The following PIGG variants were observed in gnomAD, a reference collection of about 807,000 sequenced individuals.
PIGG encodes the protein GPI ethanolamine phosphate transferase 2, catalytic subunit.
In PIGG, 70 loss-of-function variants were observed where a neutral mutation model predicts 83.2. The observed-to-expected ratio is 0.84, with a 90% CI of 0.69 to 1.03. The LOEUF is 1.03. PIGG is among the 50% of genes least tolerant of loss of function. The probability of loss-of-function intolerance (pLI) is 0.00; values close to 1 mark genes in which losing one functional copy is unlikely to be tolerated. For missense variants in PIGG, 1,257 were observed against 1,233.6 expected, an observed-to-expected ratio of 1.02 and a Z score of -0.28; for synonymous variants, 532 against 519.5, an observed-to-expected ratio of 1.02 and a Z score of -0.33.
At chr4:525,492 A>G (rs1167891291) in intron 9 of PIGG, 1 of 318,788 alleles carries the variant, frequency 3.1e-6, no homozygotes, top group Non-Finnish European at 4.5e-6. Context: ...CCTAGTAATG[A>G]GGGCACTTCC....
chr4:509,045 AC>A, intron 5 of PIGG, 75 bp downstream of exon 5: 1 of 1,343,566 alleles, frequency 7.4e-7, no homozygotes, highest in Non-Finnish European at 1.0e-6. Flanking sequence ...AATTTTGAAA[AC>A]CTATTTTTTA....
chr4:510,535 T>G (rs1721554585), intron 5 of PIGG, among the ~76,000 whole-genome samples: 1 of 152,210 alleles, frequency 6.6e-6, no homozygotes, highest in East Asian at 1.9e-4. Context: ...GGCCAGATTT[T>G]GGGAGGCTTG....
chr4:524,395 G>A (rs1035929439), intron 9 of PIGG, among the ~76,000 whole-genome samples: 1 of 152,226 alleles, frequency 6.6e-6, no homozygotes, highest in African/African-American at 2.4e-5. Flanking sequence ...TCTGCGGGCT[G>A]CACAGGAGGC....
At chr4:536,662 C>G (rs55983970) in intron 12 of PIGG, 27,306 of 152,302 alleles carry the variant, frequency 0.18, 2,853 homozygotes, top group African/African-American at 0.29. Context: ...CTCACACTGG[C>G]CTTACAGAAA....
rs1235114843 is a variant in PIGG, at chr4:539,475, C to G, written c.*106C>G. On this transcript the variant is annotated 3_prime_UTR_variant, in exon 13 of 13. Coordinates refer to ENST00000453061, the MANE Select transcript of PIGG (RefSeq NM_001127178.3). The stretch of plus-strand genomic sequence containing the variant: ...TGATGGATAACTTTCTTTGACTGCT[C>G]TACCTGAATTTAGACTAAGCAGTAA... The G allele has an allele frequency of 1.6e-5, 11 of 673,768 alleles. No homozygotes were observed. Among genetic ancestry groups the G allele is most frequent in the South Asian group, 9.3e-5 (5 of 53,652 alleles). 41.7% of individuals were successfully genotyped at this position (673,768 alleles called of 1,614,324 possible).
intron 11 of PIGG, 86 bp downstream of exon 11, chr4:530,831 G>T: frequency 2.2e-6 from 2 of 925,180 alleles, no homozygotes; most frequent in Non-Finnish European, 3.3e-6. Context: ...GTTCCCATAA[G>T]TTGGAAAGTG....
chr4:505,702 C>A lies in PIGG; in HGVS notation c.361-16C>A, dbSNP rs782067554. On this transcript the variant is annotated splice_polypyrimidine_tract_variant and intron_variant, in intron 2 of 12. Transcript: ENST00000453061. ...TTTGGATTCAGTGGCCTAATTCTTG[C>A]ATTTTCTGACTGCAGGCATTGATGA... is the stretch of plus-strand genomic sequence containing the variant. The A allele has an allele frequency of 6.2e-7, 1 of 1,602,704 alleles. No individual in the cohort carries two copies. The highest frequency in any genetic ancestry group is 8.5e-7 in the Non-Finnish European group (1 of 1,171,388).
rs181663666 is a variant in PIGG at position 506,818 on chromosome 4, C to T, written c.571-587C>T. On this transcript the variant is annotated intron_variant, in intron 3 of 12. Coordinates refer to ENST00000453061, the MANE Select transcript of PIGG (RefSeq NM_001127178.3). ...TTCAGAACAGCCTTCTTGTAGGACACATGTAGATGCCCTCAGCTTCATCAT... is the reference window on the plus strand; with the variant it reads ...TTCAGAACAGCCTTCTTGTAGGACATATGTAGATGCCCTCAGCTTCATCAT... The T allele has an allele frequency of 2.4e-5, 11 of 456,168 alleles. No individual in the cohort carries two copies. The East Asian group carries it at 7.6e-4, about 32-fold the overall frequency. 28.3% of individuals were successfully genotyped at this position (456,168 alleles called of 1,614,324 possible).
Position 517,525 on chromosome 4 carries a change from T to C in PIGG, c.1114+1340T>C, listed in dbSNP as rs918390795. ...GGGGGTGTTGGTGTCCAGGAAGCCA[T>C]GTAAAGAAGTAATTTCAGGAAGCAT... On this transcript the variant is annotated intron_variant, in intron 6 of 12. Transcript: ENST00000453061. Among the ~76,000 whole-genome samples, 9 of 152,016 alleles carry C rather than the reference T, an allele frequency of 5.9e-5. No individual in the cohort carries two copies. The East Asian group carries it at 7.7e-4, about 13-fold the overall frequency.
In PIGG at chr4:499,494, G is replaced by T; in HGVS notation, c.154+5G>T. 1 of 1,590,286 alleles carries T rather than the reference G, an allele frequency of 6.3e-7. No homozygotes were observed. Among genetic ancestry groups the T allele is most frequent in the South Asian group, 1.1e-5 (1 of 89,868 alleles). ...CAGCGCCCGAACCCTCGGCTGGTAC[G>T]GACCCCTCCCCGGCGTCTCCGCTCC... On this transcript the variant is annotated splice_donor_5th_base_variant and intron_variant, in intron 1 of 12. Transcript: ENST00000453061.
In PIGG at chr4:500,424, A is replaced by G. The variant is rs1441587747; in HGVS notation, c.183A>G (p.Pro61=). The G allele has an allele frequency of 1.2e-6, 2 of 1,613,770 alleles. No homozygotes were observed. The highest frequency in any genetic ancestry group is 1.3e-5 in the African/African-American group (1 of 74,874). ...CCAGTTCTAACTGGACCACGCTGCC[A>G]CCACCTCTCTTCAGTAAAGTTGTTA... ...AGASSNWTTL[P]PPLFSKVVIV... The change falls in exon 2 of 13, where the codon CCA becomes CCG. Residue 61 remains proline, a synonymous_variant. Coordinates refer to ENST00000453061, the MANE Select transcript of PIGG (RefSeq NM_001127178.3).
chr4:513,868 T>C (rs1723016307), intron 5 of PIGG, among the ~76,000 whole-genome samples: 1 of 152,062 alleles, frequency 6.6e-6, no homozygotes, highest in Admixed American at 6.5e-5. Flanking sequence ...AGGTGCAAAA[T>C]CAAGAGGCCA....
Position 523,597 on chromosome 4 carries a change from C to G in PIGG, c.1753C>G (p.Leu585Val), listed in dbSNP as rs913673580. 7 of 1,614,148 alleles carry G rather than the reference C, an allele frequency of 4.3e-6. No individual in the cohort carries two copies. Among genetic ancestry groups the G allele is most frequent in the African/African-American group, 2.7e-5 (2 of 75,036 alleles). Residue 585 changes from leucine to valine, a missense_variant, in exon 9 of 13, where the codon CTG becomes GTG. Physicochemically the swap from Leu to Val is conservative, Grantham distance 32 (BLOSUM62 1). Transcript: ENST00000453061. ...GACCTGGTACTTCCTTGTGAACACC[C>G]TGTGTCTAGCTCTGAGCCAAGAAAC... ...HQTWYFLVNT[L>V]CLALSQETYR...
In PIGG at chr4:539,203, T is replaced by G; in HGVS notation, c.2786T>G (p.Ile929Ser). Residue 929 changes from isoleucine to serine, a missense_variant, in exon 13 of 13, where the codon ATT becomes AGT. Coordinates refer to ENST00000453061, the MANE Select transcript of PIGG (RefSeq NM_001127178.3). ...TTCTGCTACGCACTGATTTGTTCTATTCCAGTTTTCACGTACATCGTTTTG... is the reference window on the plus strand; with the variant it reads ...TTCTGCTACGCACTGATTTGTTCTAGTCCAGTTTTCACGTACATCGTTTTG... ...ACFCYALICS[I>S]PVFTYIVLVT... 1 of 1,613,708 alleles carries G rather than the reference T, an allele frequency of 6.2e-7. No homozygotes were observed. The highest frequency in any genetic ancestry group is 2.2e-5 in the East Asian group (1 of 44,894).
chr4:513,047 G>A (rs918786713), intron 5 of PIGG, among the ~76,000 whole-genome samples: 3 of 152,158 alleles, frequency 2.0e-5, no homozygotes, highest in South Asian at 2.1e-4. Context: ...GGGCTAGGAG[G>A]GGGAGGGAGG....
chr4:507,412 A>C lies in PIGG; in HGVS notation c.578A>C (p.Asn193Thr). The C allele has an allele frequency of 6.2e-7, 1 of 1,609,544 alleles. No homozygotes were observed. The highest frequency in any genetic ancestry group is 8.5e-7 in the Non-Finnish European group (1 of 1,176,574). ...TGTGTTTCCCCTTCAAAGGTGGATA[A>C]TAATGTCACGAGGCATTTGGATAAA... ...FFVSDYTEVDNNVTRHLDKVL... is the reference protein window; with the variant it reads ...FFVSDYTEVDTNVTRHLDKVL... The change falls in exon 4 of 13, where the codon AAT (asparagine) becomes ACT (threonine). Residue 193 changes from asparagine to threonine, a missense_variant. Asn to Thr is a moderately conservative substitution (Grantham distance 65). Coordinates refer to ENST00000453061, the MANE Select transcript of PIGG (RefSeq NM_001127178.3).
At chr4:513,175 T>C (rs980438655) in intron 5 of PIGG, among the ~76,000 whole-genome samples, 4 of 152,194 alleles carry the variant, frequency 2.6e-5, no homozygotes, top group African/African-American at 9.7e-5. Context: ...CCAGAGACTG[T>C]GAATGGTGGT....
rs763086262 is a variant in PIGG at position 527,125 on chromosome 4, T to G, written c.2156T>G (p.Val719Gly). 1.4e-5 allele frequency: 23 copies of G among 1,614,212 alleles called. No homozygotes were observed. In the South Asian group the frequency reaches 2.5e-4, roughly 18 times the overall value. The change falls in exon 10 of 13, where the codon GTG becomes GGG. Residue 719 changes from valine to glycine, a missense_variant. By Grantham distance (109) the Val-to-Gly change is moderately radical (BLOSUM62 -3). Transcript: ENST00000453061. ...CTGGTGCAGAGGGGGTGCTCCCCTG[T>G]GTCCAAGGCTGCCCTGGCGCTGGGG... ...FVLVQRGCSP[V>G]SKAALALGLL...
intron 9 of PIGG, chr4:525,291 G>A (rs61793753): frequency 0.047 from 46,107 of 985,094 alleles, 1,153 homozygotes; most frequent in Non-Finnish European, 0.052. Context: ...AAGAAACCAG[G>A]ACAGAAAAAT....
Sources: gnomAD v4.1 joint callset for allele counts (sites outside exome capture counted in the v4.1 genomes callset) on GRCh38, gnomAD v4.1.1 for gene constraint, MANE v1.5 for transcripts, NCBI Gene and HGNC (gene_info 2026-07-23, HGNC 2026-07-21) for gene names.